The following INSYN2A variants were observed in gnomAD, a reference collection of about 807,000 sequenced individuals.
INSYN2A encodes family with sequence similarity 196 member A.
Under a neutral mutation model 39.4 loss-of-function variants are expected in INSYN2A, and 17 were observed. The ratio of observed to expected loss-of-function variants is 0.43; its 90% CI spans 0.30 to 0.65. INSYN2A has a LOEUF of 0.65. Ranked by LOEUF, INSYN2A falls within the 30% of genes least tolerant of loss-of-function variation. INSYN2A has a pLI of 0.14. For synonymous variants in INSYN2A, 255 were observed against 265.7 expected (o/e 0.96, Z 0.39); for missense variants, 595 against 631.2 (o/e 0.94, Z 0.61).
chr10:127,154,477 G>A (rs933213477), intron 4 of INSYN2A, among the ~76,000 whole-genome samples: 4 of 152,186 alleles, frequency 2.6e-5, no homozygotes, highest in Non-Finnish European at 5.9e-5. Flanking sequence ...AAATTTCAGT[G>A]TCCATGAATA....
In INSYN2A at chr10:127,137,866, G is replaced by A; in HGVS notation, c.1411C>T (p.His471Tyr). Residue 471 changes from histidine (H) to tyrosine (Y), a missense_variant, in exon 6 of 6, where the codon CAC becomes TAC. By Grantham distance (83) the His-to-Tyr change is moderately conservative. Transcript: ENST00000522781. ...KQKSKTESKK[H>Y]GRWKLWFL ...AGGAACCAGAGTTTCCATCTTCCGT[G>A]CTTTTTAGATTCAGTTTTGGATTTT... is the stretch of plus-strand genomic sequence containing the variant. 6.2e-7 allele frequency: 1 copy of A among 1,614,086 alleles called. No homozygotes were observed. The highest frequency in any genetic ancestry group is 1.1e-5 in the South Asian group (1 of 91,052).
chr10:127,190,106 C>G (rs1395018798), intron 2 of INSYN2A, among the ~76,000 whole-genome samples: 1 of 152,178 alleles, frequency 6.6e-6, no homozygotes, highest in Non-Finnish European at 1.5e-5. Flanking sequence ...CTCAATTCTC[C>G]TTATTTGCTT....
At position 127,195,983 on chromosome 10, in the gene INSYN2A, G is replaced by A. The variant is rs1038993521; in HGVS notation, c.-395+14C>T. 1 of 152,040 alleles carries A rather than the reference G, an allele frequency of 6.6e-6. No homozygotes were observed. The highest frequency in any genetic ancestry group is 2.1e-4 in the South Asian group (1 of 4,820). The allele number at this position is 152,040 out of a possible 1,614,324, so 9.4% of individuals were successfully genotyped here. A position where few individuals can be genotyped will look rare whatever the true frequency, so the allele number is the denominator to read the frequency against. On this transcript the variant is annotated intron_variant, in intron 1 of 5. Transcript: ENST00000522781. ...GCGGGGGCGCGGGAGGAGGGCACGC[G>A]GGGCTCCGCTTACCTTCCGCTGCTT...
intron 4 of INSYN2A, among the ~76,000 whole-genome samples, chr10:127,170,013 C>T (rs908157524): frequency 1.3e-5 from 2 of 151,886 alleles, no homozygotes; most frequent in African/African-American, 4.8e-5. Context: ...TCTTTTTTTA[C>T]CACTGTGTGC....
intron 4 of INSYN2A, among the ~76,000 whole-genome samples, chr10:127,160,113 T>C (rs1171442791): frequency 2.0e-5 from 3 of 150,022 alleles, no homozygotes; most frequent in East Asian, 3.9e-4. Context: ...AAAACATGAA[T>C]TGTTTGGTTA....
rs890957727 is a variant in INSYN2A at position 127,196,283 on chromosome 10, G to A, written c.-681C>T. ...TCCGGCCCCGCTTAGCGACGCGCGC[G>A]GGGAGGCAGCGGCTGGGCCAGCTCC... On this transcript the variant is annotated 5_prime_UTR_variant, in exon 1 of 6. Coordinates refer to ENST00000522781, the MANE Select transcript of INSYN2A (RefSeq NM_001039762.3). 1 of 149,014 alleles carries A rather than the reference G, an allele frequency of 6.7e-6. No individual in the cohort carries two copies. The highest frequency in any genetic ancestry group is 2.0e-4 in the East Asian group (1 of 5,056). 9.2% of individuals were successfully genotyped at this position (149,014 alleles called of 1,614,324 possible).
chr10:127,187,368 G>A (rs566403773), intron 2 of INSYN2A, among the ~76,000 whole-genome samples: 58 of 152,216 alleles, frequency 3.8e-4, no homozygotes, highest in Non-Finnish European at 7.5e-4. Context: ...GATGATCTGT[G>A]AAATGATTCT....
chr10:127,184,683 C>G (rs1235720815), intron 2 of INSYN2A, among the ~76,000 whole-genome samples: 2 of 152,206 alleles, frequency 1.3e-5, no homozygotes, highest in Non-Finnish European at 2.9e-5. Context: ...CTGCTGACTT[C>G]CATTAAGCCA....
intron 5 of INSYN2A, chr10:127,145,927 C>G (rs370116607): frequency 2.0e-6 from 1 of 496,006 alleles, no homozygotes; most frequent in Non-Finnish European, 4.0e-6. Context: ...TGCAGGAGGT[C>G]CCTTCTCAAA....
intron 5 of INSYN2A, chr10:127,146,199 T>C (rs1431703065): frequency 3.2e-6 from 1 of 309,948 alleles, no homozygotes; most frequent in Non-Finnish European, 6.4e-6. Flanking sequence ...AACTTTGACC[T>C]TGGGGTATAA....
chr10:127,154,657 C>T (rs1210200629), intron 4 of INSYN2A, among the ~76,000 whole-genome samples: 2 of 152,166 alleles, frequency 1.3e-5, no homozygotes, highest in Non-Finnish European at 2.9e-5. Context: ...ATTGCCATAA[C>T]TTCTGAGTTA....
chr10:127,138,046 T>C, intron 5 of INSYN2A, 26 bp from the exon 6 acceptor site: 1 of 1,574,824 alleles, frequency 6.3e-7, no homozygotes, highest in Non-Finnish European at 8.6e-7. Context: ...AGTGAAGACT[T>C]TAGCATTTGA....
intron 1 of INSYN2A, among the ~76,000 whole-genome samples, chr10:127,195,210 T>C (rs988463545): frequency 6.6e-6 from 1 of 152,180 alleles, no homozygotes; most frequent in Non-Finnish European, 1.5e-5. Context: ...ATGCAGACTC[T>C]CGCTCTTGAC....
rs1252079825 is a variant in INSYN2A, at chr10:127,184,506, G to T, written c.-268-7367C>A. Among the ~76,000 whole-genome samples the T allele has an allele frequency of 2.3e-5, 3 of 130,638 alleles. No homozygotes were observed. The South Asian group carries it at 7.6e-4, about 33-fold the overall frequency. The allele number at this position is 130,638 out of a possible 152,430, so 85.7% of individuals were successfully genotyped here. On this transcript the variant is annotated intron_variant, in intron 2 of 5. Transcript: ENST00000522781. The stretch of plus-strand genomic sequence containing the variant: ...CCCACCCCCGTCCCCCATCCTGCAG[G>T]TCCTGCTAGTCTTGGCTTCAAGTGC...
At chr10:127,189,016 G>A (rs960906521) in intron 2 of INSYN2A, among the ~76,000 whole-genome samples, 2 of 152,186 alleles carry the variant, frequency 1.3e-5, no homozygotes, top group Middle Eastern at 3.4e-3. Context: ...TCAGGTGGTC[G>A]GCTCCTAGGA....
rs910296116 is a variant in INSYN2A at position 127,136,511 on chromosome 10, A to G, written c.*1326T>C. 2 of 151,890 alleles carry G rather than the reference A, an allele frequency of 1.3e-5. No homozygotes were observed. The highest frequency in any genetic ancestry group is 2.4e-5 in the African/African-American group (1 of 41,288). The allele number at this position is 151,890 out of a possible 1,614,324, so 9.4% of individuals were successfully genotyped here. On this transcript the variant is annotated 3_prime_UTR_variant, in exon 6 of 6. Coordinates refer to ENST00000522781, the MANE Select transcript of INSYN2A (RefSeq NM_001039762.3). Reference sequence around the variant, plus strand: ...AAAAAAAAGGCAAAGTAAGATCCCTACTTCCTATTGTGAAAATCAAAAAAT... The same window carrying G: ...AAAAAAAAGGCAAAGTAAGATCCCTGCTTCCTATTGTGAAAATCAAAAAAT...
At chr10:127,181,599 C>G (rs538421172) in intron 2 of INSYN2A, among the ~76,000 whole-genome samples, 13 of 152,314 alleles carry the variant, frequency 8.5e-5, no homozygotes, top group African/African-American at 3.1e-4. Flanking sequence ...TCTCACTGTT[C>G]AGACACCTTG....
intron 2 of INSYN2A, among the ~76,000 whole-genome samples, chr10:127,181,560 T>G (rs571089385): frequency 6.6e-6 from 1 of 152,340 alleles, no homozygotes; most frequent in African/African-American, 2.4e-5. Context: ...CAAGGGATTG[T>G]ATGAAATTAT....
intron 5 of INSYN2A, among the ~76,000 whole-genome samples, chr10:127,142,344 C>T (rs2051345066): frequency 6.6e-6 from 1 of 152,186 alleles, no homozygotes; most frequent in South Asian, 2.1e-4. Flanking sequence ...CCAGGCCTCA[C>T]TCTCCAGCAG....
Sources: gnomAD v4.1 joint callset for allele counts (sites outside exome capture counted in the v4.1 genomes callset) on GRCh38, gnomAD v4.1.1 for gene constraint, MANE v1.5 for transcripts, NCBI Gene and HGNC (gene_info 2026-07-23, HGNC 2026-07-21) for gene names.